Variants in COLEC12 observed in about 807,000 individuals in gnomAD.
COLEC12 encodes collectin-12.
COLEC12 carries 33 observed loss-of-function variants against 71.1 expected under a neutral mutation model. That is an observed-to-expected ratio of 0.46 (90% CI 0.35 to 0.62). The LOEUF is 0.62. COLEC12 is among the 20% of genes least tolerant of loss of function. The pLI is 0.00. For missense variants in COLEC12, 765 were observed against 916.1 expected (o/e 0.84, Z 2.13); for synonymous variants, 350 against 353.0 (o/e 0.99, Z 0.10).
At chr18:400,187 A>ATCTCTGGATAC (rs1202819852) in intron 2 of COLEC12, among the ~76,000 whole-genome samples, 1 of 152,114 alleles carries the variant, frequency 6.6e-6, no homozygotes, top group Non-Finnish European at 1.5e-5. Flanking sequence ...AATCTGGATA[A>ATCTCTGGATAC]TCTCTGGATA....
intron 2 of COLEC12, among the ~76,000 whole-genome samples, chr18:441,023 T>C (rs2846640): frequency 0.91 from 136,293 of 150,538 alleles, 62,201 homozygotes; most frequent in East Asian, 1. Flanking sequence ...CCGAGGCGGG[T>C]GGATCACAAG....
chr18:381,901 C>G (rs950145107), intron 2 of COLEC12, among the ~76,000 whole-genome samples: 3 of 150,698 alleles, frequency 2.0e-5, no homozygotes, highest in Admixed American at 6.6e-5. Context: ...TTTTAAAAAG[C>G]TCACCTCTCA....
intron 4 of COLEC12, 149 bp from the exon 5 acceptor site, chr18:347,490 T>G (rs554698248): frequency 1.2e-3 from 751 of 622,854 alleles, no homozygotes; most frequent in Middle Eastern, 1.9e-3. Context: ...TAGTAAAATG[T>G]ACATATCTAT....
At chr18:423,079 T>C (rs1018982936) in intron 2 of COLEC12, among the ~76,000 whole-genome samples, 2 of 151,450 alleles carry the variant, frequency 1.3e-5, no homozygotes, top group Non-Finnish European at 2.9e-5. Context: ...AAGATTGGCC[T>C]GGACAACATA....
At chr18:481,607 G>A (rs1917418197) in intron 1 of COLEC12, among the ~76,000 whole-genome samples, 1 of 152,132 alleles carries the variant, frequency 6.6e-6, no homozygotes, top group Admixed American at 6.5e-5. Context: ...GAAAGGCTGA[G>A]GTAGGAGAAT....
intron 2 of COLEC12, among the ~76,000 whole-genome samples, chr18:469,146 A>T (rs535599312): frequency 6.6e-6 from 1 of 152,362 alleles, no homozygotes; most frequent in East Asian, 1.9e-4. Flanking sequence ...AGTTCTCTTC[A>T]CTTGCACAGA....
intron 3 of COLEC12, among the ~76,000 whole-genome samples, chr18:348,759 G>C (rs1567880251): frequency 6.6e-6 from 1 of 152,208 alleles, no homozygotes; most frequent in East Asian, 1.9e-4. Flanking sequence ...TAGTTTGTCA[G>C]TTCTCAAGTA....
At chr18:323,815 T>C (rs1176950002) in intron 8 of COLEC12, among the ~76,000 whole-genome samples, 2 of 152,206 alleles carry the variant, frequency 1.3e-5, no homozygotes, top group African/African-American at 4.8e-5. Flanking sequence ...ATATGACTTC[T>C]TTGGGCTTAG....
intron 2 of COLEC12, among the ~76,000 whole-genome samples, chr18:368,853 G>A (rs913212262): frequency 1.5e-4 from 23 of 152,266 alleles, no homozygotes; most frequent in South Asian, 4.1e-4. Context: ...GCAACAGAGC[G>A]AGACTCCGTC....
intron 2 of COLEC12, among the ~76,000 whole-genome samples, chr18:443,057 G>A (rs1052402785): frequency 6.6e-6 from 1 of 152,216 alleles, no homozygotes; most frequent in Non-Finnish European, 1.5e-5. Context: ...TCACTAATGT[G>A]TCAAGACTGT....
At position 357,414 on chromosome 18, in the gene COLEC12, A is replaced by G. The variant is rs753148145; in HGVS notation, c.167T>C (p.Ile56Thr). The stretch of plus-strand genomic sequence containing the variant: ...AGCATGCTTACCTTTATATCCCAAA[A>G]TGGCTACTGTGATTGTTAGCAAGGC... ...LCALLTITVAILGYKVVEKMD... is the reference protein window; with the variant it reads ...LCALLTITVATLGYKVVEKMD... Residue 56 changes from isoleucine to threonine, a missense_variant, in exon 3 of 10, where the codon ATT (isoleucine) becomes ACT (threonine). Transcript: ENST00000400256. 1 of 1,598,116 alleles carries G rather than the reference A, an allele frequency of 6.3e-7. No individual in the cohort carries two copies. The highest frequency in any genetic ancestry group is 1.2e-5 in the South Asian group (1 of 85,626).
In COLEC12 at chr18:346,551, C is replaced by T. The variant is rs1439981888; in HGVS notation, c.1071G>A (p.Leu357=). Residue 357 remains leucine (L), a synonymous_variant, in exon 5 of 10, where the codon CTG becomes CTA. Coordinates refer to ENST00000400256, the MANE Select transcript of COLEC12 (RefSeq NM_130386.3). This position sits in a 1 kb window ranked among gnomAD's most constrained non-coding sequence, Gnocchi z 4.0. ...CATTTAGATTGCTGGTCAGCGTCCG[C>T]AGGTGGTGGGCTGTGTAACTGATAT... ...ISNISYTAHH[L]RTLTSNLNEV... The T allele has an allele frequency of 1.2e-6, 2 of 1,614,094 alleles. No individual in the cohort carries two copies. Among genetic ancestry groups the T allele is most frequent in the African/African-American group, 1.3e-5 (1 of 74,932 alleles).
chr18:394,852 C>T (rs978065153), intron 2 of COLEC12, among the ~76,000 whole-genome samples: 1 of 152,090 alleles, frequency 6.6e-6, no homozygotes, highest in African/African-American at 2.4e-5. Context: ...AAACTAAGTA[C>T]AAATAATGAG....
intron 8 of COLEC12, among the ~76,000 whole-genome samples, chr18:322,978 G>A (rs562160767): frequency 1.3e-5 from 2 of 152,282 alleles, no homozygotes; most frequent in South Asian, 2.1e-4. Flanking sequence ...TAATCCCAGC[G>A]TTTTGGGGGG....
chr18:357,499 T>TAC lies in COLEC12; in HGVS notation c.80_81dup (p.Thr28ValfsTer10). The TAC allele has an allele frequency of 6.3e-7, 1 of 1,588,624 alleles. No homozygotes were observed. The highest frequency in any genetic ancestry group is 8.6e-7 in the Non-Finnish European group (1 of 1,165,698). On this transcript the variant is annotated frameshift_variant, in exon 3 of 10. Coordinates refer to ENST00000400256, the MANE Select transcript of COLEC12 (RefSeq NM_130386.3). LOFTEE classifies it high-confidence loss of function. ...AGTGCCCAGTTATTTTTACATTTGGTACATTGTGTTCCTTCCTGAATACCT... is the reference window on the plus strand; with the variant it reads ...AGTGCCCAGTTATTTTTACATTTGGTACACATTGTGTTCCTTCCTGAATACCT...
intron 6 of COLEC12, chr18:334,303 CA>C (rs1914053185): frequency 6.6e-6 from 1 of 152,406 alleles, no homozygotes; most frequent in Non-Finnish European, 1.5e-5. Context: ...GCTCCTGTGC[CA>C]GCCCCTATGA....
chr18:456,763 GC>G (rs1916880973), intron 2 of COLEC12, among the ~76,000 whole-genome samples: 1 of 152,224 alleles, frequency 6.6e-6, no homozygotes, highest in East Asian at 1.9e-4. Context: ...AGCAGTGGCA[GC>G]CCCTTGGCTG....
rs539981748 is a variant in COLEC12, at chr18:368,734, C to T, written c.59-11212G>A. 2.7e-3 allele frequency among the ~76,000 whole-genome samples: 416 copies of T among 152,146 alleles called. 3 individuals carry two copies. The highest frequency in any genetic ancestry group is 4.3e-3 in the Non-Finnish European group (290 of 68,006). The stretch of plus-strand genomic sequence containing the variant: ...CAAAAAAATTAGCCGGGCGTGGTGG[C>T]GGGCGCCTGTAGTCCCAGCTACTTC... On this transcript the variant is annotated intron_variant, in intron 2 of 9. Transcript: ENST00000400256.
rs771234789 is a variant in COLEC12 at position 408,896 on chromosome 18, G to C, written c.59-51374C>G. On this transcript the variant is annotated intron_variant, in intron 2 of 9. Coordinates refer to ENST00000400256, the MANE Select transcript of COLEC12 (RefSeq NM_130386.3). The surrounding 1 kb of genome is among the most constrained non-coding windows in gnomAD (Gnocchi z 4.3). ...TGCCCAGGCTGGAGGGCAGTGGCAC[G>C]ATCTTGACTCACTGCAACCTCCACC... is the stretch of plus-strand genomic sequence containing the variant. Among the ~76,000 whole-genome samples, 1 of 152,006 alleles carries C rather than the reference G, an allele frequency of 6.6e-6. No individual in the cohort carries two copies. Among genetic ancestry groups the C allele is most frequent in the East Asian group, 1.9e-4 (1 of 5,170 alleles).
Sources: gnomAD v4.1 joint callset for allele counts (sites outside exome capture counted in the v4.1 genomes callset) on GRCh38, gnomAD v4.1.1 for gene constraint, Gnocchi (gnomAD v3.1) non-coding constraint, MANE v1.5 for transcripts, NCBI Gene and HGNC (gene_info 2026-07-23, HGNC 2026-07-21) for gene names.